Variants in FAM3B observed in about 807,000 individuals in gnomAD.
FAM3B encodes the protein FAM3 metabolism regulating signaling molecule B, also known as protein FAM3B.
In FAM3B, 29 loss-of-function variants were observed where a neutral mutation model predicts 28.4. The observed-to-expected ratio is 1.02, with a 90% CI of 0.76 to 1.39. The LOEUF (loss-of-function observed/expected upper bound fraction) is 1.39, where lower values mean the gene tolerates loss of function less well. Ranked by LOEUF, FAM3B falls within the 40% of genes most tolerant of loss-of-function variation. FAM3B has a pLI of 0.00. For synonymous variants in FAM3B, 91 were observed against 103.0 expected, an observed-to-expected ratio of 0.88 and a Z score of 0.71; for missense variants, 266 against 293.9, an observed-to-expected ratio of 0.91 and a Z score of 0.69.
chr21:41,354,402 CACAATAGCAAAG>C (rs1032409232), intron 7 of FAM3B, among the ~76,000 whole-genome samples: 1 of 152,124 alleles, frequency 6.6e-6, no homozygotes, highest in African/African-American at 2.4e-5. Flanking sequence ...CAAAACTGTT[CACAATAGCAAAG>C]ACATGGAGTC....
intron 2 of FAM3B, among the ~76,000 whole-genome samples, chr21:41,324,386 C>T (rs960273138): frequency 2.6e-5 from 4 of 152,212 alleles, no homozygotes; most frequent in African/African-American, 4.8e-5. Context: ...GCTGTGGTTA[C>T]ACAAGGGCGA....
At chr21:41,320,312 A>G (rs1330830000) in intron 1 of FAM3B, 1 of 152,140 alleles carries the variant, frequency 6.6e-6, no homozygotes, top group Non-Finnish European at 1.5e-5. Context: ...AGGTCTCATT[A>G]TGTTGCCCAG....
At chr21:41,338,265 G>T (rs905860024) in intron 2 of FAM3B, 113 bp from the exon 3 acceptor site, 7 of 1,310,894 alleles carry the variant, frequency 5.3e-6, no homozygotes, top group African/African-American at 1.5e-5. Flanking sequence ...CAGGTTTTCC[G>T]ACCGCTGCTT....
At chr21:41,310,637 GGTTGGAA>G (rs1245120009) in intron 1 of FAM3B, among the ~76,000 whole-genome samples, 6 of 152,182 alleles carry the variant, frequency 3.9e-5, no homozygotes, top group Admixed American at 2.0e-4. Flanking sequence ...CCTTCTCCCA[GGTTGGAA>G]GAGCTCTGAA....
chr21:41,321,476 G>T (rs539023385), intron 1 of FAM3B, among the ~76,000 whole-genome samples: 34 of 152,320 alleles, frequency 2.2e-4, no homozygotes, highest in African/African-American at 8.2e-4. Flanking sequence ...TGTTTTCTGT[G>T]TCTGGTTTAT....
chr21:41,352,284 A>G (rs1361603096), intron 7 of FAM3B, among the ~76,000 whole-genome samples: 1 of 152,084 alleles, frequency 6.6e-6, no homozygotes, highest in African/African-American at 2.4e-5. Context: ...ACCTCTGCAC[A>G]TGCCTCCCTC....
chr21:41,304,341 G>C (rs748158465), intron 1 of FAM3B: 65 of 455,562 alleles, frequency 1.4e-4, no homozygotes, highest in Non-Finnish European at 2.5e-4. Context: ...CGTGGGGAGG[G>C]GAAGGATGGA....
chr21:41,342,525 G>T (rs530113936), intron 3 of FAM3B, among the ~76,000 whole-genome samples: 17 of 152,082 alleles, frequency 1.1e-4, no homozygotes, highest in African/African-American at 4.1e-4. Context: ...TTTTCCATTT[G>T]TTTACCTCTC....
intron 3 of FAM3B, 54 bp from the exon 4 acceptor site, chr21:41,344,422 G>A: frequency 1.3e-6 from 2 of 1,536,986 alleles, no homozygotes; most frequent in Admixed American, 3.3e-5. Flanking sequence ...ACTTCGCGGA[G>A]CGGGGAGAGT....
At chr21:41,334,329 G>A (rs953998754) in intron 2 of FAM3B, among the ~76,000 whole-genome samples, 2 of 152,164 alleles carry the variant, frequency 1.3e-5, no homozygotes, top group African/African-American at 4.8e-5. Flanking sequence ...AAAGACCTTT[G>A]CAGCTGCCCC....
chr21:41,345,604 T>G (rs1410056645), intron 4 of FAM3B, 82 bp from the exon 5 acceptor site: 34 of 774,458 alleles, frequency 4.4e-5, no homozygotes, highest in Non-Finnish European at 8.3e-6. Context: ...GGAAGAAATA[T>G]TTCCTTCCCC....
In FAM3B at chr21:41,343,771, G is replaced by A. The variant is rs73226188; in HGVS notation, c.288-705G>A. Among the ~76,000 whole-genome samples, 469 of 152,134 alleles carry A rather than the reference G, an allele frequency of 3.1e-3. 1 individual carries two copies. Among genetic ancestry groups the A allele is most frequent in the Admixed American group, 8.5e-3 (130 of 15,288 alleles). On this transcript the variant is annotated intron_variant, in intron 3 of 7. Coordinates refer to ENST00000357985, the MANE Select transcript of FAM3B (RefSeq NM_058186.4). The stretch of plus-strand genomic sequence containing the variant: ...AGTCATTTAGTTTTCCTGATTTTAG[G>A]GCACAATCCTCTTGAATTTGGCATT...
At chr21:41,337,202 C>T (rs1601363337) in intron 2 of FAM3B, among the ~76,000 whole-genome samples, 1 of 152,224 alleles carries the variant, frequency 6.6e-6, no homozygotes, top group East Asian at 1.9e-4. Context: ...AAAATAGAGC[C>T]AAGTCTCTAC....
intron 7 of FAM3B, among the ~76,000 whole-genome samples, chr21:41,349,802 CG>C (rs1468838846): frequency 6.6e-6 from 1 of 151,730 alleles, no homozygotes; most frequent in Non-Finnish European, 1.5e-5. Flanking sequence ...TCCGGAGGCC[CG>C]GAAACCATGG....
chr21:41,334,750 G>A (rs1400562422), intron 2 of FAM3B, among the ~76,000 whole-genome samples: 2 of 152,222 alleles, frequency 1.3e-5, no homozygotes, highest in East Asian at 1.9e-4. Flanking sequence ...GCTGTGGGAA[G>A]AGGGCCACCA....
chr21:41,306,559 T>C (rs925203977), intron 1 of FAM3B, among the ~76,000 whole-genome samples: 3 of 152,238 alleles, frequency 2.0e-5, no homozygotes, highest in Non-Finnish European at 4.4e-5. Flanking sequence ...CTTATATGTC[T>C]CCATCAGAGC....
At chr21:41,356,925 T>G (rs1353484704) in intron 7 of FAM3B, among the ~76,000 whole-genome samples, 183 bp from the exon 8 acceptor site, 1 of 152,178 alleles carries the variant, frequency 6.6e-6, no homozygotes, top group Non-Finnish European at 1.5e-5. Context: ...TCCAAAAATA[T>G]GTACATCTAT....
At chr21:41,321,431 GGA>G (rs2088804735) in intron 1 of FAM3B, among the ~76,000 whole-genome samples, 1 of 152,174 alleles carries the variant, frequency 6.6e-6, no homozygotes, top group Admixed American at 6.6e-5. Context: ...CGCAGCTGCG[GGA>G]GAGGGGCCTG....
intron 5 of FAM3B, 63 bp downstream of exon 5, chr21:41,345,799 C>CTTTTG (rs774777358): frequency 9.3e-7 from 1 of 1,075,326 alleles, no homozygotes; most frequent in South Asian, 1.4e-5. Flanking sequence ...GATTAAAAAG[C>CTTTTG]ACAAAGAAAA....
Sources: gnomAD v4.1 joint callset for allele counts (sites outside exome capture counted in the v4.1 genomes callset) on GRCh38, gnomAD v4.1.1 for gene constraint, MANE v1.5 for transcripts, NCBI Gene and HGNC (gene_info 2026-07-23, HGNC 2026-07-21) for gene names.